NHSL2: variants seen among roughly 807,000 people sequenced by gnomAD.
NHSL2 encodes the protein NHS-like protein 2.
NHSL2 carries 27 observed loss-of-function variants against 53.4 expected under a neutral mutation model. The ratio of observed to expected loss-of-function variants is 0.51; its 90% confidence interval spans 0.37 to 0.70. The LOEUF is 0.70. Among genes scored for constraint, NHSL2 ranks in the 30% least tolerant of loss-of-function variants. The probability of loss-of-function intolerance (pLI) is 0.00; values close to 1 mark genes in which losing one functional copy is unlikely to be tolerated. For synonymous variants in NHSL2, 408 were observed against 404.1 expected, an observed-to-expected ratio of 1.01 and a Z score of -0.12; for missense variants, 892 against 980.1, an observed-to-expected ratio of 0.91 and a Z score of 1.20.
intron 1 of NHSL2, among the ~76,000 whole-genome samples, chrX:72,081,714 C>G (rs1192758024): frequency 8.9e-6 from 1 of 112,622 alleles, no homozygotes; most frequent in African/African-American, 3.2e-5. Context: ...GGATTTATTT[C>G]TCTTCTCTAT....
At chrX:71,990,161 T>C (rs767229131) in intron 1 of NHSL2, among the ~76,000 whole-genome samples, 2 of 111,896 alleles carry the variant, frequency 1.8e-5, no homozygotes, top group Non-Finnish European at 3.8e-5. Flanking sequence ...TTTATTTGAT[T>C]AGTGCTTGTT....
At chrX:72,066,426 C>A (rs2042429937) in intron 1 of NHSL2, among the ~76,000 whole-genome samples, 1 of 111,490 alleles carries the variant, frequency 9.0e-6, no homozygotes, top group African/African-American at 3.3e-5. Flanking sequence ...GTATGTGACT[C>A]CCAGCAGATC....
chrX:72,076,314 G>A (rs2041743034), intron 1 of NHSL2, among the ~76,000 whole-genome samples: 1 of 111,755 alleles, frequency 8.9e-6, no homozygotes, highest in Non-Finnish European at 1.9e-5. Flanking sequence ...GAGAAAAGCA[G>A]ATTTTTTTGT....
chrX:72,128,544 T>C (rs1412017795), intron 1 of NHSL2: 2 of 112,438 alleles, frequency 1.8e-5, no homozygotes, highest in Admixed American at 9.4e-5. Context: ...GGCACCTGAG[T>C]TTGTACCTAG....
At chrX:71,937,152 G>A (rs2041742977) in intron 1 of NHSL2, among the ~76,000 whole-genome samples, 1 of 112,111 alleles carries the variant, frequency 8.9e-6, no homozygotes, top group African/African-American at 3.2e-5. Flanking sequence ...GTTACAGGTG[G>A]ATGGGCATCA....
chrX:72,037,458 C>T (rs1459999233), intron 1 of NHSL2, among the ~76,000 whole-genome samples: 1 of 111,371 alleles, frequency 9.0e-6, no homozygotes, highest in African/African-American at 3.3e-5. Flanking sequence ...AGGATCTGGC[C>T]TACTTTTGTG....
At chrX:72,129,579 G>A (rs753104259) in intron 1 of NHSL2, 85 of 370,203 alleles carry the variant, frequency 2.3e-4, no homozygotes, top group Non-Finnish European at 3.1e-4. Context: ...GCTCGTGGCC[G>A]GACTGAGCAG....
intron 1 of NHSL2, chrX:72,131,241 C>CG: frequency 8.3e-7 from 1 of 1,202,356 alleles, no homozygotes; most frequent in East Asian, 3.0e-5. Context: ...AAAGATCATC[C>CG]GAGATACAGT....
At chrX:71,998,040 G>A (rs2042057176) in intron 1 of NHSL2, among the ~76,000 whole-genome samples, 1 of 112,265 alleles carries the variant, frequency 8.9e-6, no homozygotes, top group Middle Eastern at 4.6e-3. Flanking sequence ...ATATGCAACA[G>A]ACTTAAAATG....
rs765704150 is a variant in NHSL2 at position 72,104,704 on chromosome X, A to G, written c.281-27375A>G. Among the ~76,000 whole-genome samples the G allele has an allele frequency of 7.2e-5, 8 of 111,364 alleles. No individual in the cohort carries two copies. In the South Asian group the frequency reaches 3.1e-3, roughly 42 times the overall value. On this transcript the variant is annotated intron_variant, in intron 1 of 7. Coordinates refer to ENST00000633930, the MANE Select transcript of NHSL2 (RefSeq NM_001013627.3). ...CTATTTTAAGTATATTAAATTTGAG[A>G]CTAAAAAAGTGGGTATCCAGGTGAA...
At chrX:72,015,213 C>T (rs1036250945) in intron 1 of NHSL2, among the ~76,000 whole-genome samples, 3 of 111,452 alleles carry the variant, frequency 2.7e-5, no homozygotes, top group Non-Finnish European at 3.8e-5. Context: ...TTCTTCTCTC[C>T]ACCTCCTCTC....
At chrX:72,032,319 G>A (rs181670191) in intron 1 of NHSL2, among the ~76,000 whole-genome samples, 39 of 111,128 alleles carry the variant, frequency 3.5e-4, no homozygotes, top group African/African-American at 1.2e-3. Flanking sequence ...GCTTGAACCC[G>A]GGAGGCGGAG....
At chrX:72,062,966 C>T (rs1048706572) in intron 1 of NHSL2, among the ~76,000 whole-genome samples, 16 of 111,921 alleles carry the variant, frequency 1.4e-4, no homozygotes, top group Admixed American at 1.3e-3. Flanking sequence ...TTTCACTGTC[C>T]GGATGGAAAC....
intron 1 of NHSL2, among the ~76,000 whole-genome samples, chrX:72,096,018 AC>A (rs987137665): frequency 2.7e-5 from 3 of 110,197 alleles, no homozygotes; most frequent in Non-Finnish European, 5.7e-5. Flanking sequence ...TCCTGCTGGC[AC>A]CCTGAGCTTT....
chrX:71,974,114 A>G (rs2041938202), intron 1 of NHSL2, among the ~76,000 whole-genome samples: 1 of 112,375 alleles, frequency 8.9e-6, no homozygotes, highest in Non-Finnish European at 1.9e-5. Context: ...TTAAATGGTT[A>G]TTTAAAAAAC....
intron 1 of NHSL2, among the ~76,000 whole-genome samples, chrX:71,932,793 A>G (rs2147823214): frequency 8.9e-6 from 1 of 112,701 alleles, no homozygotes; most frequent in Admixed American, 9.3e-5. Context: ...AATCATCCCT[A>G]TGAGAAAGGT....
intron 1 of NHSL2, among the ~76,000 whole-genome samples, chrX:72,086,683 C>CA (rs34481140): frequency 0.03 from 665 of 22,180 alleles, 16 homozygotes; most frequent in African/African-American, 0.046. Flanking sequence ...AACTCCATCT[C>CA]AAAAAAAAAA....
intron 1 of NHSL2, among the ~76,000 whole-genome samples, chrX:71,989,994 G>A (rs1241729495): frequency 8.9e-6 from 1 of 112,675 alleles, no homozygotes; most frequent in African/African-American, 3.2e-5. Flanking sequence ...GATTTGAGAA[G>A]CAAATACAGA....
At chrX:72,087,075 A>T (rs1041001046) in intron 1 of NHSL2, among the ~76,000 whole-genome samples, 4 of 112,026 alleles carry the variant, frequency 3.6e-5, no homozygotes, top group Non-Finnish European at 7.5e-5. Context: ...GTGAGACATT[A>T]TTGACAATAG....
Sources: gnomAD v4.1 joint callset for allele counts (sites outside exome capture counted in the v4.1 genomes callset) on GRCh38, gnomAD v4.1.1 for gene constraint, MANE v1.5 for transcripts, NCBI Gene and HGNC (gene_info 2026-07-23, HGNC 2026-07-21) for gene names.